Variants in PDZRN4 observed in about 807,000 individuals in gnomAD.
PDZRN4 encodes PDZ domain containing ring finger 4.
In PDZRN4, 70 loss-of-function variants were observed where a neutral mutation model predicts 99.0. The ratio of observed to expected loss-of-function variants is 0.71; its 90% confidence interval spans 0.58 to 0.86. The LOEUF is 0.86. Among genes scored for constraint, PDZRN4 ranks in the 40% least tolerant of loss-of-function variants. The pLI, the probability that PDZRN4 is intolerant of heterozygous loss-of-function variation, is 0.00. For synonymous variants in PDZRN4, 551 were observed against 501.6 expected (o/e 1.10, Z -1.32); for missense variants, 1,474 against 1,331.2 (o/e 1.11, Z -1.67).
At chr12:41,464,025 C>G (rs113000149) in intron 3 of PDZRN4, among the ~76,000 whole-genome samples, 6 of 152,094 alleles carry the variant, frequency 3.9e-5, no homozygotes, top group Non-Finnish European at 7.3e-5. Context: ...TGGCTTCCAT[C>G]GTGAGTCTAT....
chr12:41,475,042 T>C (rs1245356515), intron 3 of PDZRN4, among the ~76,000 whole-genome samples: 1 of 152,190 alleles, frequency 6.6e-6, no homozygotes, highest in Non-Finnish European at 1.5e-5. Context: ...TGGGTGTACT[T>C]ATATTCAATA....
rs1951874527 is a variant in PDZRN4, at chr12:41,349,226, G to A, written c.843+155038G>A. The stretch of plus-strand genomic sequence containing the variant: ...GAATAAAAGTTTGAGAACCACTGTT[G>A]TAGATTAACTTCTTTTCACTGTATT... On this transcript the variant is annotated intron_variant, in intron 3 of 9. Coordinates refer to ENST00000402685, the MANE Select transcript of PDZRN4 (RefSeq NM_001164595.2). Among the ~76,000 whole-genome samples, 11 of 151,942 alleles carry A rather than the reference G, an allele frequency of 7.2e-5. No homozygotes were observed. The South Asian group carries it at 2.3e-3, about 32-fold the overall frequency.
intron 3 of PDZRN4, chr12:41,409,771 A>G (rs1208568508): frequency 6.6e-6 from 1 of 152,218 alleles, no homozygotes; most frequent in Non-Finnish European, 1.5e-5. Flanking sequence ...AGCCAACTGA[A>G]ATCAATGTGT....
chr12:41,255,217 G>T (rs773850990), intron 3 of PDZRN4, among the ~76,000 whole-genome samples: 3 of 152,038 alleles, frequency 2.0e-5, no homozygotes, highest in Non-Finnish European at 4.4e-5. Flanking sequence ...GTGGGGAAGT[G>T]GTGAGGGAGA....
At chr12:41,277,324 C>T (rs1221339264) in intron 3 of PDZRN4, among the ~76,000 whole-genome samples, 4 of 152,020 alleles carry the variant, frequency 2.6e-5, no homozygotes, top group Non-Finnish European at 1.5e-5. Context: ...ATTTATAGGG[C>T]CAACGATATA....
rs1319895878 is a variant in PDZRN4 at position 41,573,836 on chromosome 12, G to A, written c.3057G>A (p.Lys1019=). Residue 1019 remains lysine (K), a synonymous_variant, in exon 10 of 10, where the codon AAG becomes AAA. Coordinates refer to ENST00000402685, the MANE Select transcript of PDZRN4 (RefSeq NM_001164595.2). ...TIQELMTHGA[K]SPDGTRVHNA... ...AAGAACTGATGACCCATGGGGCCAA[G>A]TCTCCAGATGGCACGAGAGTCCATA... 1 of 1,605,030 alleles carries A rather than the reference G, an allele frequency of 6.2e-7. No individual in the cohort carries two copies. Among genetic ancestry groups the A allele is most frequent in the Non-Finnish European group, 8.5e-7 (1 of 1,176,496 alleles).
intron 3 of PDZRN4, among the ~76,000 whole-genome samples, chr12:41,233,592 G>A (rs926944155): frequency 6.6e-6 from 1 of 152,132 alleles, no homozygotes; most frequent in Non-Finnish European, 1.5e-5. Context: ...TATGCACCAT[G>A]GAGTACTATG....
intron 3 of PDZRN4, among the ~76,000 whole-genome samples, chr12:41,500,701 A>G (rs1259515540): frequency 6.6e-6 from 1 of 152,100 alleles, no homozygotes; most frequent in Non-Finnish European, 1.5e-5. Flanking sequence ...TTCCATTAAT[A>G]TAACAATGTT....
intron 5 of PDZRN4, among the ~76,000 whole-genome samples, chr12:41,514,246 C>T (rs918123491): frequency 4.6e-5 from 7 of 152,014 alleles, no homozygotes; most frequent in Middle Eastern, 3.2e-3. Context: ...TTCCTCTTGG[C>T]AGTCCTTATG....
intron 3 of PDZRN4, among the ~76,000 whole-genome samples, chr12:41,475,059 T>C (rs1194878111): frequency 1.3e-5 from 2 of 152,174 alleles, no homozygotes; most frequent in African/African-American, 4.8e-5. Context: ...AATAGTGTGG[T>C]TACAGTATAT....
intron 5 of PDZRN4, among the ~76,000 whole-genome samples, chr12:41,552,066 C>T (rs984167720): frequency 6.6e-6 from 1 of 152,162 alleles, no homozygotes; most frequent in African/African-American, 2.4e-5. Flanking sequence ...TCTCTCCCTT[C>T]AGCCTGGATG....
chr12:41,372,422 T>C (rs1335698265), intron 3 of PDZRN4, among the ~76,000 whole-genome samples: 1 of 152,020 alleles, frequency 6.6e-6, no homozygotes, highest in Non-Finnish European at 1.5e-5. Context: ...CAAGACTGGG[T>C]GATAAATGTT....
intron 3 of PDZRN4, among the ~76,000 whole-genome samples, chr12:41,421,095 C>G (rs1952485369): frequency 1.3e-5 from 2 of 152,204 alleles, no homozygotes; most frequent in African/African-American, 4.8e-5. Context: ...TAGCATTTCT[C>G]TCATTTATTG....
chr12:41,554,142 T>G (rs1939103334), intron 6 of PDZRN4, among the ~76,000 whole-genome samples: 1 of 152,174 alleles, frequency 6.6e-6, no homozygotes, highest in Non-Finnish European at 1.5e-5. Context: ...ATTCCTCTGA[T>G]TAGGGTGAGG....
At chr12:41,448,886 C>G (rs1464266294) in intron 3 of PDZRN4, among the ~76,000 whole-genome samples, 2 of 151,938 alleles carry the variant, frequency 1.3e-5, no homozygotes, top group Non-Finnish European at 2.9e-5. Context: ...AGAACTTGCC[C>G]CTTAGAATTG....
chr12:41,437,628 G>A (rs1273278534), intron 3 of PDZRN4: 5 of 514,574 alleles, frequency 9.7e-6, no homozygotes, highest in Middle Eastern at 6.0e-4. Context: ...AATCAATGAG[G>A]CACTATTAAT....
chr12:41,233,825 A>G (rs890109672), intron 3 of PDZRN4, among the ~76,000 whole-genome samples: 1 of 151,980 alleles, frequency 6.6e-6, no homozygotes, highest in African/African-American at 2.4e-5. Flanking sequence ...GCATTAGGAG[A>G]CATACCTAAT....
In PDZRN4 at chr12:41,381,368, G is replaced by C. The variant is rs577386114; in HGVS notation, c.844-125088G>C. The stretch of plus-strand genomic sequence containing the variant: ...TCCCCTCTTATTTCCATAATATATA[G>C]TTTTGCTTGATGGTATGCCTTAAGT... On this transcript the variant is annotated intron_variant, in intron 3 of 9. Coordinates refer to ENST00000402685, the MANE Select transcript of PDZRN4 (RefSeq NM_001164595.2). Among the ~76,000 whole-genome samples the C allele has an allele frequency of 3.5e-3, 523 of 149,072 alleles. 3 individuals are homozygous for C. The highest frequency in any genetic ancestry group is 0.012 in the African/African-American group (492 of 40,384).
intron 4 of PDZRN4, among the ~76,000 whole-genome samples, chr12:41,507,560 C>T (rs768404593): frequency 6.6e-6 from 1 of 152,102 alleles, no homozygotes; most frequent in African/African-American, 2.4e-5. Flanking sequence ...CCCATAAGCC[C>T]GTTTCAGTGG....
Sources: gnomAD v4.1 joint callset for allele counts (sites outside exome capture counted in the v4.1 genomes callset) on GRCh38, gnomAD v4.1.1 for gene constraint, MANE v1.5 for transcripts, NCBI Gene and HGNC (gene_info 2026-07-23, HGNC 2026-07-21) for gene names.